GABRB2: variants seen among roughly 807,000 people sequenced by gnomAD.
The protein encoded by GABRB2 is gamma-aminobutyric acid receptor subunit beta-2.
Under a neutral mutation model 54.7 loss-of-function variants are expected in GABRB2, and 16 were observed. The ratio of observed to expected loss-of-function variants is 0.29; its 90% CI spans 0.20 to 0.44. The LOEUF is 0.44. GABRB2 is among the 20% of genes least tolerant of loss of function. The pLI is 1.00. For synonymous variants in GABRB2, 244 were observed against 233.8 expected (o/e 1.04, Z -0.40); for missense variants, 355 against 644.0 (o/e 0.55, Z 4.86).
intron 3 of GABRB2, among the ~76,000 whole-genome samples, chr5:161,513,056 G>GAAAAAAAAAAAAAAA (rs755660749): frequency 5.2e-5 from 7 of 135,894 alleles, no homozygotes; most frequent in African/African-American, 1.3e-4. Flanking sequence ...AAAGAAAAAA[G>GAAAAAAAAAAAAAAA]AAAAAAAAAA....
chr5:161,422,091 C>T (rs1017468373), intron 4 of GABRB2, among the ~76,000 whole-genome samples: 2 of 152,166 alleles, frequency 1.3e-5, no homozygotes, highest in African/African-American at 4.8e-5. Flanking sequence ...TTGGCACAAA[C>T]TTTCTGGAGG....
intron 5 of GABRB2, among the ~76,000 whole-genome samples, chr5:161,393,225 G>T (rs1755885890): frequency 7.0e-6 from 1 of 143,786 alleles, no homozygotes; most frequent in Admixed American, 7.2e-5. Flanking sequence ...TGAAGGAAAG[G>T]GTAATGGGGC....
intron 9 of GABRB2, among the ~76,000 whole-genome samples, chr5:161,320,003 G>A (rs558466516): frequency 1.4e-4 from 21 of 151,184 alleles, no homozygotes; most frequent in South Asian, 4.2e-4. Context: ...TAATTGTTAT[G>A]CTTTTAAAAA....
chr5:161,404,468 T>G (rs183414319), intron 5 of GABRB2, among the ~76,000 whole-genome samples: 1 of 152,100 alleles, frequency 6.6e-6, no homozygotes, highest in East Asian at 1.9e-4. Flanking sequence ...ATGTGACACC[T>G]CCACTTTACA....
chr5:161,310,714 T>G (rs1280945472), intron 9 of GABRB2, among the ~76,000 whole-genome samples: 1 of 152,022 alleles, frequency 6.6e-6, no homozygotes, highest in Non-Finnish European at 1.5e-5. Flanking sequence ...TTTTAATATC[T>G]TTTTCAAAAA....
chr5:161,431,508 C>A (rs1757170873), intron 4 of GABRB2, among the ~76,000 whole-genome samples: 1 of 152,108 alleles, frequency 6.6e-6, no homozygotes. Flanking sequence ...TTATGCCTTC[C>A]TTTTACATAA....
At chr5:161,355,891 G>T (rs577719663) in intron 5 of GABRB2, among the ~76,000 whole-genome samples, 7 of 152,080 alleles carry the variant, frequency 4.6e-5, no homozygotes, top group Non-Finnish European at 1.0e-4. Flanking sequence ...TCATGCAAAA[G>T]ATTTTTATTT....
At chr5:161,389,306 C>T (rs1580942051) in intron 5 of GABRB2, among the ~76,000 whole-genome samples, 1 of 151,890 alleles carries the variant, frequency 6.6e-6, no homozygotes, top group Non-Finnish European at 1.5e-5. Flanking sequence ...CTTGTTTACC[C>T]CGTGGAAACT....
Position 161,508,489 on chromosome 5 carries a change from C to T in GABRB2, c.237+36738G>A, listed in dbSNP as rs186175882. Among the ~76,000 whole-genome samples, 77 of 151,858 alleles carry T rather than the reference C, an allele frequency of 5.1e-4. 1 individual carries two copies. The highest frequency in any genetic ancestry group is 1.7e-3 in the African/African-American group (72 of 41,464). On this transcript the variant is annotated intron_variant, in intron 3 of 9. Coordinates refer to ENST00000393959, the MANE Select transcript of GABRB2 (RefSeq NM_001371727.1). ...AGACCCAGAACCCATGACTACTACA[C>T]TACACTCTCATGCCAAAACGAGTAA...
intron 9 of GABRB2, among the ~76,000 whole-genome samples, chr5:161,319,612 T>C (rs1440652219): frequency 6.6e-6 from 1 of 151,486 alleles, no homozygotes; most frequent in Admixed American, 6.6e-5. Context: ...AGTGGGTCCA[T>C]TGTTTCTTTC....
intron 3 of GABRB2, among the ~76,000 whole-genome samples, chr5:161,519,438 G>A (rs561077777): frequency 6.8e-4 from 103 of 152,230 alleles, no homozygotes; most frequent in African/African-American, 2.3e-3. Flanking sequence ...TCTCCTCTAG[G>A]TGCCTGCTCT....
intron 5 of GABRB2, among the ~76,000 whole-genome samples, chr5:161,393,552 TAAAC>T (rs752677367): frequency 2.0e-5 from 3 of 151,628 alleles, no homozygotes; most frequent in Non-Finnish European, 2.9e-5. Flanking sequence ...AAAATAAAAA[TAAAC>T]AAAGAGAAAA....
intron 8 of GABRB2, chr5:161,330,002 T>A (rs189477917): frequency 5.3e-5 from 8 of 152,314 alleles, no homozygotes; most frequent in Admixed American, 3.9e-4. Flanking sequence ...CAAATTTGGA[T>A]GCAGATTAGA....
intron 5 of GABRB2, among the ~76,000 whole-genome samples, chr5:161,391,078 T>G (rs564527606): frequency 1.2e-4 from 18 of 152,252 alleles, no homozygotes; most frequent in African/African-American, 4.3e-4. Context: ...GCAATTAGGT[T>G]ATATAAACTT....
chr5:161,425,482 C>G (rs1419296062), intron 4 of GABRB2, among the ~76,000 whole-genome samples: 2 of 152,032 alleles, frequency 1.3e-5, no homozygotes, highest in Non-Finnish European at 2.9e-5. Context: ...CTCAGATGAT[C>G]ATTAGTACAT....
At chr5:161,465,084 G>T (rs1758239483) in intron 3 of GABRB2, among the ~76,000 whole-genome samples, 1 of 152,048 alleles carries the variant, frequency 6.6e-6, no homozygotes, top group South Asian at 2.1e-4. Flanking sequence ...AAAAAGCATA[G>T]TCTCTGGGGT....
intron 3 of GABRB2, among the ~76,000 whole-genome samples, chr5:161,538,682 G>T (rs146862132): frequency 0.014 from 2,062 of 152,226 alleles, 53 homozygotes; most frequent in African/African-American, 0.046. Flanking sequence ...AAATTAGTTG[G>T]TCATGGTGGC....
intron 4 of GABRB2, among the ~76,000 whole-genome samples, chr5:161,433,304 G>A (rs762862095): frequency 2.0e-5 from 3 of 151,828 alleles, no homozygotes; most frequent in Non-Finnish European, 4.4e-5. Flanking sequence ...CTGGCCATAC[G>A]AAAGGAGAAT....
chr5:161,321,654 T>C (rs1291199257), intron 9 of GABRB2, among the ~76,000 whole-genome samples: 1 of 152,156 alleles, frequency 6.6e-6, no homozygotes, highest in Non-Finnish European at 1.5e-5. Flanking sequence ...ATAACTTAGG[T>C]TATACTTTCT....
Sources: gnomAD v4.1 joint callset for allele counts (sites outside exome capture counted in the v4.1 genomes callset) on GRCh38, gnomAD v4.1.1 for gene constraint, MANE v1.5 for transcripts, NCBI Gene and HGNC (gene_info 2026-07-23, HGNC 2026-07-21) for gene names.